Variants in KIT observed in about 807,000 individuals in gnomAD.
KIT encodes the protein KIT proto-oncogene, receptor tyrosine kinase, also known as mast/stem cell growth factor receptor Kit.
In KIT, 16 loss-of-function variants were observed where a neutral mutation model predicts 105.7. The observed-to-expected ratio is 0.15, with a 90% CI of 0.10 to 0.23. The LOEUF (loss-of-function observed/expected upper bound fraction) is 0.23. Among genes scored for constraint, KIT ranks in the 10% least tolerant of loss-of-function variants. The pLI, the probability that KIT is intolerant of heterozygous loss-of-function variation, is 1.00. For missense variants in KIT, 858 were observed against 1,213.8 expected (o/e 0.71, Z 4.36); for synonymous variants, 438 against 441.1 (o/e 0.99, Z 0.09).
chr4:54,726,071 AT>A (rs1560416239), intron 9 of KIT, 21 bp downstream of exon 9: 2 of 1,580,396 alleles, frequency 1.3e-6, no homozygotes, highest in Non-Finnish European at 1.7e-6. Flanking sequence ...TTTTAATCCA[AT>A]TTAAGGGGAT....
intron 1 of KIT, among the ~76,000 whole-genome samples, chr4:54,666,450 T>A (rs958601890): frequency 1.1e-4 from 16 of 152,146 alleles, no homozygotes; most frequent in African/African-American, 3.6e-4. Context: ...CAGCTAATTT[T>A]TGTATTTTTA....
In KIT at chr4:54,695,498, G is replaced by A. The variant is rs1309041788; in HGVS notation, c.68-14G>A. 1 of 1,613,920 alleles carries A rather than the reference G, an allele frequency of 6.2e-7. No homozygotes were observed. Among genetic ancestry groups the A allele is most frequent in the African/African-American group, 1.3e-5 (1 of 74,922 alleles). ...AGAAGATCATACTCAACACGATTCT[G>A]TTTTTCTTGGCAGGCTCTTCTCAAC... On this transcript the variant is annotated splice_polypyrimidine_tract_variant and intron_variant, in intron 1 of 20. Transcript: ENST00000288135.
intron 2 of KIT, among the ~76,000 whole-genome samples, chr4:54,697,246 G>A (rs573846916): frequency 8.2e-4 from 125 of 152,256 alleles, no homozygotes; most frequent in South Asian, 2.3e-3. Context: ...AGTAAGGTTG[G>A]GAGATGCATA....
rs116822848 is a variant in KIT, at chr4:54,686,943, G to A, written c.68-8569G>A. Among the ~76,000 whole-genome samples the A allele has an allele frequency of 2.0e-3, 312 of 152,274 alleles. 2 individuals are homozygous for A. Among genetic ancestry groups the A allele is most frequent in the African/African-American group, 7.0e-3 (289 of 41,544 alleles). ...CTGAACTTAAGAGAAAGTGTGATCC[G>A]TCCAGGCATATTCTCAAACTTTTCC... On this transcript the variant is annotated intron_variant, in intron 1 of 20. Coordinates refer to ENST00000288135, the MANE Select transcript of KIT (RefSeq NM_000222.3).
intron 7 of KIT, among the ~76,000 whole-genome samples, chr4:54,718,121 G>T (rs2109743943): frequency 6.6e-6 from 1 of 152,300 alleles, no homozygotes; most frequent in East Asian, 1.9e-4. Context: ...TTGCTTTTGA[G>T]ACAGAGTCTT....
intron 2 of KIT, among the ~76,000 whole-genome samples, chr4:54,696,269 T>C (rs571959810): frequency 3.3e-5 from 5 of 152,314 alleles, no homozygotes; most frequent in African/African-American, 1.2e-4. Context: ...GGGTTCTTTG[T>C]AGAGTTGTCC....
chr4:54,667,767 G>A (rs899270353), intron 1 of KIT, among the ~76,000 whole-genome samples: 9 of 152,330 alleles, frequency 5.9e-5, no homozygotes, highest in Non-Finnish European at 1.3e-4. Flanking sequence ...ATCTGGCTAA[G>A]TAGTTGCCTA....
chr4:54,681,711 G>A (rs1718932783), intron 1 of KIT, among the ~76,000 whole-genome samples: 1 of 152,010 alleles, frequency 6.6e-6, no homozygotes, highest in African/African-American at 2.4e-5. Flanking sequence ...TCATGTTTAG[G>A]TCCTTATTCT....
intron 1 of KIT, among the ~76,000 whole-genome samples, chr4:54,676,973 G>T (rs961858470): frequency 2.6e-5 from 4 of 152,072 alleles, no homozygotes; most frequent in African/African-American, 9.7e-5. Context: ...AGCCCTCATT[G>T]TACAGCGTGC....
intron 7 of KIT, among the ~76,000 whole-genome samples, chr4:54,711,337 T>G (rs1445138582): frequency 6.6e-6 from 1 of 152,258 alleles, no homozygotes; most frequent in Non-Finnish European, 1.5e-5. Flanking sequence ...AATTGTGTTT[T>G]CTGAATAAGA....
Position 54,727,551 on chromosome 4 carries a change from G to A in KIT, c.1774+9G>A, listed in dbSNP as rs1251695263. 3 of 1,614,024 alleles carry A rather than the reference G, an allele frequency of 1.9e-6. No homozygotes were observed. The highest frequency in any genetic ancestry group is 1.7e-5 in the Admixed American group (1 of 60,000). ...AAACAGGCTGAGTTTTGGTCAGTAT[G>A]AAACAGGGGCTTTCCATGTCACCTT... is the stretch of plus-strand genomic sequence containing the variant. On this transcript the variant is annotated intron_variant, in intron 11 of 20. Transcript: ENST00000288135.
intron 14 of KIT, 112 bp downstream of exon 14, chr4:54,729,597 G>C: frequency 1.0e-6 from 1 of 969,906 alleles, no homozygotes; most frequent in Non-Finnish European, 1.6e-6. Flanking sequence ...TCTGAGGTAT[G>C]AAATCAAAAT....
intron 4 of KIT, among the ~76,000 whole-genome samples, chr4:54,703,340 A>G (rs1363941371): frequency 1.3e-5 from 2 of 152,188 alleles, no homozygotes; most frequent in Non-Finnish European, 2.9e-5. Flanking sequence ...GCTCTCAGTC[A>G]TTGGGACATA....
At chr4:54,708,815 A>C (rs1349544343) in intron 6 of KIT, among the ~76,000 whole-genome samples, 2 of 152,154 alleles carry the variant, frequency 1.3e-5, no homozygotes, top group Admixed American at 6.5e-5. Context: ...AGCCCCTGCC[A>C]GTAACCCCGA....
At position 54,690,557 on chromosome 4, in the gene KIT, GTTAA is replaced by G. The variant is rs987312361; in HGVS notation, c.68-4946_68-4943del. Among the ~76,000 whole-genome samples the G allele has an allele frequency of 5.3e-5, 8 of 152,170 alleles. No homozygotes were observed. The East Asian group carries it at 5.8e-4, about 11-fold the overall frequency. ...GTTTTGCCACCTATCCTTTTTTTGG[GTTAA>G]TTAATTAACATGTGTTCAGGGAACA... On this transcript the variant is annotated intron_variant, in intron 1 of 20. Coordinates refer to ENST00000288135, the MANE Select transcript of KIT (RefSeq NM_000222.3).
At chr4:54,734,164 T>G (rs1256399460) in intron 17 of KIT, among the ~76,000 whole-genome samples, 1 of 152,150 alleles carries the variant, frequency 6.6e-6, no homozygotes, top group Non-Finnish European at 1.5e-5. Flanking sequence ...TTCATCCTGG[T>G]GCAATTTTGG....
intron 7 of KIT, among the ~76,000 whole-genome samples, chr4:54,715,195 A>G (rs1318306714): frequency 6.6e-6 from 1 of 152,164 alleles, no homozygotes; most frequent in Non-Finnish European, 1.5e-5. Context: ...TTGACCAAGT[A>G]TGCAAAGTCT....
intron 19 of KIT, 103 bp from the exon 20 acceptor site, chr4:54,737,072 G>C (rs1722962451): frequency 2.5e-6 from 2 of 799,134 alleles, no homozygotes; most frequent in Admixed American, 1.9e-5. Context: ...CATATGTCCA[G>C]TTGCATAGCC....
chr4:54,693,463 T>G (rs1324325996), intron 1 of KIT, among the ~76,000 whole-genome samples: 1 of 152,134 alleles, frequency 6.6e-6, no homozygotes, highest in Non-Finnish European at 1.5e-5. Flanking sequence ...TCTTTAATGA[T>G]CTGATCTTGT....
Sources: gnomAD v4.1 joint callset for allele counts (sites outside exome capture counted in the v4.1 genomes callset) on GRCh38, gnomAD v4.1.1 for gene constraint, MANE v1.5 for transcripts, NCBI Gene and HGNC (gene_info 2026-07-23, HGNC 2026-07-21) for gene names.